The following THEMIS variants were observed in gnomAD, a reference collection of about 807,000 sequenced individuals.
THEMIS encodes the protein thymocyte selection associated.
THEMIS carries 37 observed loss-of-function variants against 52.6 expected under a neutral mutation model. The ratio of observed to expected loss-of-function variants is 0.70; its 90% CI spans 0.54 to 0.93. The LOEUF (loss-of-function observed/expected upper bound fraction) is 0.93. THEMIS is among the 40% of genes least tolerant of loss of function. The probability of loss-of-function intolerance (pLI) is 0.00; values close to 1 mark genes in which losing one functional copy is unlikely to be tolerated. For synonymous variants in THEMIS, 292 were observed against 272.7 expected (o/e 1.07, Z -0.70); for missense variants, 808 against 763.1 (o/e 1.06, Z -0.69).
At chr6:127,771,292 T>G (rs1776376420) in intron 4 of THEMIS, among the ~76,000 whole-genome samples, 1 of 152,156 alleles carries the variant, frequency 6.6e-6, no homozygotes, top group Admixed American at 6.5e-5. Context: ...GAACATTCCA[T>G]GCTCATGGAT....
intron 1 of THEMIS, among the ~76,000 whole-genome samples, chr6:127,862,710 C>T (rs558812256): frequency 1.6e-4 from 24 of 151,362 alleles, no homozygotes; most frequent in Non-Finnish European, 2.8e-4. Flanking sequence ...GTCAGCCACC[C>T]CACCCAGCCC....
chr6:127,911,249 A>G (rs1301387529), intron 1 of THEMIS, among the ~76,000 whole-genome samples: 1 of 151,282 alleles, frequency 6.6e-6, no homozygotes, highest in African/African-American at 2.5e-5. Flanking sequence ...AGTGTAGCCT[A>G]CACTTAAAGG....
At chr6:127,857,638 A>G (rs1057029707) in intron 1 of THEMIS, among the ~76,000 whole-genome samples, 1 of 152,006 alleles carries the variant, frequency 6.6e-6, no homozygotes, top group Non-Finnish European at 1.5e-5. Context: ...GGTCATTTGT[A>G]CTCTAAGTGT....
intron 4 of THEMIS, among the ~76,000 whole-genome samples, chr6:127,789,960 C>A (rs1777103214): frequency 6.6e-6 from 1 of 152,186 alleles, no homozygotes; most frequent in African/African-American, 2.4e-5. Flanking sequence ...CCTTTGAAAA[C>A]CAGCACAAGA....
intron 2 of THEMIS, among the ~76,000 whole-genome samples, chr6:127,831,835 G>A (rs747620676): frequency 6.6e-6 from 1 of 152,018 alleles, no homozygotes; most frequent in Non-Finnish European, 1.5e-5. Flanking sequence ...ACTTTGAAGG[G>A]ATTTCTCATT....
At chr6:127,769,877 G>C (rs965546453) in intron 4 of THEMIS, among the ~76,000 whole-genome samples, 4 of 152,084 alleles carry the variant, frequency 2.6e-5, no homozygotes, top group South Asian at 2.1e-4. Flanking sequence ...GTGGTGTTTG[G>C]TTTCCTGTCC....
intron 4 of THEMIS, among the ~76,000 whole-genome samples, chr6:127,800,746 G>A (rs532705245): frequency 6.6e-5 from 10 of 152,156 alleles, no homozygotes; most frequent in Non-Finnish European, 1.5e-4. Context: ...GACTGACCTA[G>A]CTTCCCAGCC....
intron 1 of THEMIS, among the ~76,000 whole-genome samples, chr6:127,879,658 G>T (rs1307483225): frequency 1.3e-5 from 2 of 150,540 alleles, no homozygotes; most frequent in Non-Finnish European, 3.0e-5. Flanking sequence ...CAGAAATGTA[G>T]AATATTGCTT....
intron 4 of THEMIS, among the ~76,000 whole-genome samples, chr6:127,782,762 T>C (rs1776791445): frequency 6.6e-6 from 1 of 152,094 alleles, no homozygotes; most frequent in Non-Finnish European, 1.5e-5. Flanking sequence ...CCACCTCCTC[T>C]TCCATGCTCA....
the THEMIS span, among the ~76,000 whole-genome samples, chr6:127,703,022 A>G: frequency 1.1e-4 from 14 of 130,870 alleles, no homozygotes; most frequent in Non-Finnish European, 3.2e-5. Context: ...CAAAAACAAG[A>G]CCTTTAGAAT....
chr6:127,879,549 AT>A (rs1325843773), intron 1 of THEMIS, among the ~76,000 whole-genome samples: 1 of 150,422 alleles, frequency 6.6e-6, no homozygotes, highest in Non-Finnish European at 1.5e-5. Flanking sequence ...GGCTGAAATA[AT>A]TTTCTAAAAA....
intron 5 of THEMIS, among the ~76,000 whole-genome samples, chr6:127,717,198 C>T (rs138601987): frequency 8.0e-6 from 1 of 125,684 alleles, no homozygotes; most frequent in Non-Finnish European, 2.0e-5. Context: ...CTAATATAAT[C>T]TTCAAAAAAA....
At chr6:127,712,828 TG>T (rs760623397) in intron 5 of THEMIS, among the ~76,000 whole-genome samples, 4 of 151,926 alleles carry the variant, frequency 2.6e-5, no homozygotes, top group Non-Finnish European at 4.4e-5. Flanking sequence ...TAAAATTACA[TG>T]GGTAATTATT....
chr6:127,845,520 C>G (rs1022792001), intron 2 of THEMIS, among the ~76,000 whole-genome samples: 1 of 151,756 alleles, frequency 6.6e-6, no homozygotes. Flanking sequence ...AACCTGTAAT[C>G]ACGAAAAAAT....
chr6:127,792,710 C>T (rs759020486), intron 4 of THEMIS, among the ~76,000 whole-genome samples: 3 of 152,104 alleles, frequency 2.0e-5, no homozygotes, highest in Non-Finnish European at 4.4e-5. Flanking sequence ...AACCATGATT[C>T]GAGATTTAGT....
At position 127,812,960 on chromosome 6, in the gene THEMIS, G is replaced by T. The variant is rs914602220; in HGVS notation, c.1681C>A (p.Pro561Thr). The T allele has an allele frequency of 1.9e-6, 3 of 1,614,074 alleles. No homozygotes were observed. Among genetic ancestry groups the T allele is most frequent in the Middle Eastern group, 1.7e-4 (1 of 6,054 alleles). Residue 561 changes from proline to threonine, a missense_variant, in exon 4 of 6, where the codon CCC (proline) becomes ACC (threonine). Transcript: ENST00000368248. Reference protein sequence around the residue: ...SHPPPRPPKHPSVEETKLTLL... With the variant: ...SHPPPRPPKHTSVEETKLTLL... ...GTTAACTTTGTTTCCTCTACTGAGG[G>T]GTGTTTCGGAGGGCGAGGTGGGGGA...
At chr6:127,824,746 C>T (rs1778448457) in intron 3 of THEMIS, among the ~76,000 whole-genome samples, 1 of 152,182 alleles carries the variant, frequency 6.6e-6, no homozygotes, top group Non-Finnish European at 1.5e-5. Flanking sequence ...ATCCGCCCGC[C>T]TCGGCCCCCC....
In THEMIS at chr6:127,709,216, A is replaced by G. The variant is rs1773891557; in HGVS notation, c.*769T>C. 1 of 152,026 alleles carries G rather than the reference A, an allele frequency of 6.6e-6. No individual in the cohort carries two copies. Among genetic ancestry groups the G allele is most frequent in the African/African-American group, 2.4e-5 (1 of 41,426 alleles). 9.4% of individuals were successfully genotyped at this position (152,026 alleles called of 1,614,324 possible). A position where few individuals can be genotyped will look rare whatever the true frequency, so the allele number is the denominator to read the frequency against. On this transcript the variant is annotated 3_prime_UTR_variant, in exon 6 of 6. Coordinates refer to ENST00000368248, the MANE Select transcript of THEMIS (RefSeq NM_001010923.3). ...CTTTTTCTTTCCATCAAATATTATG[A>G]TTAACTAGATAATTTTCCTACAATC... is the stretch of plus-strand genomic sequence containing the variant.
At chr6:127,839,030 T>C (rs1004620104) in intron 2 of THEMIS, among the ~76,000 whole-genome samples, 1 of 152,130 alleles carries the variant, frequency 6.6e-6, no homozygotes, top group Non-Finnish European at 1.5e-5. Context: ...CTCATTATCC[T>C]ATTTTTAAAA....
Sources: gnomAD v4.1 joint callset for allele counts (sites outside exome capture counted in the v4.1 genomes callset) on GRCh38, gnomAD v4.1.1 for gene constraint, MANE v1.5 for transcripts, NCBI Gene and HGNC (gene_info 2026-07-23, HGNC 2026-07-21) for gene names.